HIBADH: variants seen among roughly 807,000 people sequenced by gnomAD.
HIBADH encodes 3-hydroxyisobutyrate dehydrogenase, mitochondrial.
A neutral mutation model predicts 36.1 loss-of-function variants in HIBADH; 25 were observed. The ratio of observed to expected loss-of-function variants is 0.69; its 90% CI spans 0.50 to 0.97. The LOEUF (loss-of-function observed/expected upper bound fraction) is 0.97. Ranked by LOEUF, HIBADH falls within the 50% of genes least tolerant of loss-of-function variation. The pLI, the probability that HIBADH is intolerant of heterozygous loss-of-function variation, is 0.00. For missense variants in HIBADH, 421 were observed against 418.0 expected (o/e 1.01, Z -0.06); for synonymous variants, 160 against 149.5 (o/e 1.07, Z -0.51).
chr7:27,655,425 T>C (rs1032026761), intron 1 of HIBADH, among the ~76,000 whole-genome samples: 1 of 152,134 alleles, frequency 6.6e-6, no homozygotes, highest in African/African-American at 2.4e-5. Flanking sequence ...GATAGGTATA[T>C]ATGTGGAAGA....
At chr7:27,634,044 G>C (rs1041195329) in intron 2 of HIBADH, among the ~76,000 whole-genome samples, 2 of 152,156 alleles carry the variant, frequency 1.3e-5, no homozygotes, top group African/African-American at 2.4e-5. Context: ...TTTTCCACAA[G>C]AGACTATCAG....
intron 6 of HIBADH, among the ~76,000 whole-genome samples, chr7:27,534,846 A>C (rs1183274070): frequency 6.6e-6 from 1 of 151,628 alleles, no homozygotes; most frequent in East Asian, 2.0e-4. Context: ...ATGTGCCAGA[A>C]ACTATTTAAT....
intron 4 of HIBADH, among the ~76,000 whole-genome samples, chr7:27,602,511 A>T (rs1235320021): frequency 6.6e-6 from 1 of 152,172 alleles, no homozygotes; most frequent in Non-Finnish European, 1.5e-5. Context: ...TCTTATTTTT[A>T]AAAATAAACT....
chr7:27,620,889 T>G (rs1280131186), intron 4 of HIBADH, among the ~76,000 whole-genome samples: 1 of 151,962 alleles, frequency 6.6e-6, no homozygotes, highest in Non-Finnish European at 1.5e-5. Context: ...AATAATAACC[T>G]TGATAGTAAC....
chr7:27,654,317 T>C (rs181648490), intron 1 of HIBADH, among the ~76,000 whole-genome samples: 36 of 152,234 alleles, frequency 2.4e-4, no homozygotes, highest in South Asian at 6.2e-4. Context: ...AGAAAATATG[T>C]GTGAAGAACA....
intron 2 of HIBADH, among the ~76,000 whole-genome samples, chr7:27,642,873 G>C (rs987571113): frequency 6.6e-6 from 1 of 151,928 alleles, no homozygotes; most frequent in African/African-American, 2.4e-5. Context: ...GGATGGTCTC[G>C]ATCTCCTGAC....
intron 4 of HIBADH, among the ~76,000 whole-genome samples, chr7:27,577,112 C>T (rs933570569): frequency 1.5e-4 from 23 of 151,054 alleles, no homozygotes; most frequent in African/African-American, 3.4e-4. Flanking sequence ...AATGACCTTT[C>T]GGAAGAAATT....
chr7:27,594,532 A>C lies in HIBADH; in HGVS notation c.484+34839T>G, dbSNP rs1326651055. Among the ~76,000 whole-genome samples, 4 of 152,230 alleles carry C rather than the reference A, an allele frequency of 2.6e-5. No individual in the cohort carries two copies. The East Asian group carries it at 7.7e-4, about 29-fold the overall frequency. Reference sequence around the variant, plus strand: ...TTAAATAGAAAGATTTAGTTGTGTAAATATATCAATTTTCCATAAATTAAT... The same window carrying C: ...TTAAATAGAAAGATTTAGTTGTGTACATATATCAATTTTCCATAAATTAAT... On this transcript the variant is annotated intron_variant, in intron 4 of 7. Coordinates refer to ENST00000265395, the MANE Select transcript of HIBADH (RefSeq NM_152740.4).
rs903001672 is a variant in HIBADH at position 27,645,377 on chromosome 7, T to G, written c.252+4096A>C. Among the ~76,000 whole-genome samples the G allele has an allele frequency of 9.1e-4, 114 of 125,936 alleles. 13 individuals are homozygous for G. In the East Asian group the frequency reaches 0.024, roughly 27 times the overall value. 82.6% of individuals were successfully genotyped at this position (125,936 alleles called of 152,430 possible). A position where few individuals can be genotyped will look rare whatever the true frequency, so the allele number is the denominator to read the frequency against. Reference sequence around the variant, plus strand: ...GTGTCTCATGGTTTTGATTTTTTTTTTTTTTTTTTTTTTTTTTTGAGACAG... The same window carrying G: ...GTGTCTCATGGTTTTGATTTTTTTTGTTTTTTTTTTTTTTTTTTGAGACAG... On this transcript the variant is annotated intron_variant, in intron 2 of 7. Coordinates refer to ENST00000265395, the MANE Select transcript of HIBADH (RefSeq NM_152740.4).
At chr7:27,607,850 A>G (rs1358893223) in intron 4 of HIBADH, among the ~76,000 whole-genome samples, 2 of 152,174 alleles carry the variant, frequency 1.3e-5, no homozygotes, top group East Asian at 1.9e-4. Context: ...AAAGTTTTAT[A>G]AAACTATCTT....
At chr7:27,590,961 G>A (rs1218958440) in intron 4 of HIBADH, among the ~76,000 whole-genome samples, 2 of 152,086 alleles carry the variant, frequency 1.3e-5, no homozygotes, top group African/African-American at 4.8e-5. Flanking sequence ...CAGGAGACAG[G>A]ATCTCAGGAA....
At chr7:27,569,011 G>C (rs1299252000) in intron 4 of HIBADH, among the ~76,000 whole-genome samples, 6 of 150,912 alleles carry the variant, frequency 4.0e-5, no homozygotes, top group African/African-American at 1.5e-4. Flanking sequence ...GGGATCCCAA[G>C]GCTCTGTCCA....
chr7:27,560,360 C>A (rs1393412049), intron 4 of HIBADH, among the ~76,000 whole-genome samples: 3 of 152,232 alleles, frequency 2.0e-5, no homozygotes, highest in Non-Finnish European at 4.4e-5. Flanking sequence ...CTCAAGTGAT[C>A]CACCTGTCTC....
At chr7:27,616,848 T>A (rs1785439659) in intron 4 of HIBADH, among the ~76,000 whole-genome samples, 1 of 152,028 alleles carries the variant, frequency 6.6e-6, no homozygotes, top group Non-Finnish European at 1.5e-5. Context: ...AAAATAAGAA[T>A]ATCAGGAAAA....
At chr7:27,622,647 C>G (rs2128293424) in intron 4 of HIBADH, among the ~76,000 whole-genome samples, 1 of 152,112 alleles carries the variant, frequency 6.6e-6, no homozygotes, top group Admixed American at 6.5e-5. Flanking sequence ...CTATTATGAA[C>G]TACTATACGC....
chr7:27,610,841 T>A (rs1195829379), intron 4 of HIBADH, among the ~76,000 whole-genome samples: 1 of 152,120 alleles, frequency 6.6e-6, no homozygotes, highest in Admixed American at 6.5e-5. Flanking sequence ...ATAGAAATAA[T>A]TTTTTGTGGT....
intron 4 of HIBADH, among the ~76,000 whole-genome samples, chr7:27,572,467 G>A (rs1483690420): frequency 6.6e-6 from 1 of 152,076 alleles, no homozygotes; most frequent in African/African-American, 2.4e-5. Context: ...ACTTTTAACT[G>A]TTTTCTCATA....
intron 1 of HIBADH, among the ~76,000 whole-genome samples, chr7:27,656,593 T>C (rs565754048): frequency 5.3e-5 from 8 of 152,280 alleles, no homozygotes; most frequent in Non-Finnish European, 1.2e-4. Flanking sequence ...ACATATGCAT[T>C]AATTTTTCTG....
At chr7:27,576,516 A>C (rs1295666404) in intron 4 of HIBADH, among the ~76,000 whole-genome samples, 1 of 152,224 alleles carries the variant, frequency 6.6e-6, no homozygotes, top group Admixed American at 6.5e-5. Flanking sequence ...TGGTTCATTA[A>C]AAGTTGATTA....
Sources: gnomAD v4.1 joint callset for allele counts (sites outside exome capture counted in the v4.1 genomes callset) on GRCh38, gnomAD v4.1.1 for gene constraint, MANE v1.5 for transcripts, NCBI Gene and HGNC (gene_info 2026-07-23, HGNC 2026-07-21) for gene names.